Variants in NTPCR observed in about 807,000 individuals in gnomAD.
NTPCR encodes nucleoside-triphosphatase, cancer-related.
Under a neutral mutation model 19.5 loss-of-function variants are expected in NTPCR, and 15 were observed. The observed-to-expected ratio is 0.77, with a 90% CI of 0.51 to 1.18. The LOEUF (loss-of-function observed/expected upper bound fraction) is 1.18, where lower values mean the gene tolerates loss of function less well. Among genes scored for constraint, NTPCR ranks in the 50% most tolerant of loss-of-function variants. The pLI, the probability that NTPCR is intolerant of heterozygous loss-of-function variation, is 0.00. For synonymous variants in NTPCR, 90 were observed against 95.8 expected (o/e 0.94, Z 0.36); for missense variants, 206 against 240.4 (o/e 0.86, Z 0.95).
At chr1:232,954,729 G>T (rs983277388) in intron 1 of NTPCR, among the ~76,000 whole-genome samples, 1 of 152,212 alleles carries the variant, frequency 6.6e-6, no homozygotes, top group Non-Finnish European at 1.5e-5. Context: ...AAGTGTGCTA[G>T]AACAGTGTCT....
intron 1 of NTPCR, among the ~76,000 whole-genome samples, chr1:232,952,515 T>C (rs1405918651): frequency 1.3e-5 from 2 of 151,874 alleles, no homozygotes; most frequent in Non-Finnish European, 2.9e-5. Flanking sequence ...ATCTTTTTTT[T>C]CCCTCTTCTT....
intron 1 of NTPCR, among the ~76,000 whole-genome samples, chr1:232,954,845 A>G (rs1668469960): frequency 6.6e-6 from 1 of 152,186 alleles, no homozygotes; most frequent in Non-Finnish European, 1.5e-5. Context: ...CTGGATGGAC[A>G]GGAAGGATCA....
Position 232,983,600 on chromosome 1 carries a change from G to A in NTPCR, c.*5369G>A, listed in dbSNP as rs1669341615. 1 of 152,196 alleles carries A rather than the reference G, an allele frequency of 6.6e-6. No individual in the cohort carries two copies. Among genetic ancestry groups the A allele is most frequent in the African/African-American group, 2.4e-5 (1 of 41,436 alleles). 9.4% of individuals were successfully genotyped at this position (152,196 alleles called of 1,614,324 possible). On this transcript the variant is annotated 3_prime_UTR_variant, in exon 5 of 5. Transcript: ENST00000366628. ...GTGAGGAGCATTGTGTGACTCCGCG[G>A]TGGATTTCCATGCACCGAATGGACT...
intron 3 of NTPCR, chr1:232,962,255 A>C (rs1558129020): frequency 6.6e-6 from 1 of 152,194 alleles, no homozygotes; most frequent in African/African-American, 2.4e-5. Context: ...ATTAAAAAAA[A>C]TGTCTTATAT....
At chr1:232,971,694 T>C (rs2102755980) in intron 4 of NTPCR, among the ~76,000 whole-genome samples, 1 of 152,152 alleles carries the variant, frequency 6.6e-6, no homozygotes, top group South Asian at 2.1e-4. Flanking sequence ...TGTGAACAGA[T>C]AAGTTAAGCA....
chr1:232,971,782 A>G (rs1011347436), intron 4 of NTPCR, among the ~76,000 whole-genome samples: 1 of 152,220 alleles, frequency 6.6e-6, no homozygotes, highest in Non-Finnish European at 1.5e-5. Context: ...AAGGGCGATC[A>G]GGGAAGGTCT....
chr1:232,959,430 G>A (rs1668607061), intron 3 of NTPCR, among the ~76,000 whole-genome samples: 1 of 152,158 alleles, frequency 6.6e-6, no homozygotes, highest in Non-Finnish European at 1.5e-5. Context: ...ATAGCAGTGT[G>A]AAAATGGACT....
Position 232,978,990 on chromosome 1 carries a change from A to T in NTPCR, c.*759A>T, listed in dbSNP as rs1348711608. ...TCCAGAAAAGCAGGAAGTGGCTGTC[A>T]TCTCAGGAGTGATGTCACACCACAG... is the stretch of plus-strand genomic sequence containing the variant. On this transcript the variant is annotated 3_prime_UTR_variant, in exon 5 of 5. Coordinates refer to ENST00000366628, the MANE Select transcript of NTPCR (RefSeq NM_032324.3). The T allele has an allele frequency of 1.3e-5, 2 of 152,322 alleles. No individual in the cohort carries two copies. The highest frequency in any genetic ancestry group is 6.8e-3 in the Middle Eastern group (2 of 294). The allele number at this position is 152,322 out of a possible 1,614,324, so 9.4% of individuals were successfully genotyped here.
chr1:232,978,098 AC>A, intron 4 of NTPCR, 64 bp from the exon 5 acceptor site: 2 of 1,391,132 alleles, frequency 1.4e-6, no homozygotes, highest in East Asian at 4.6e-5. Flanking sequence ...TTAGAGAGTT[AC>A]CTAGCACAAG....
chr1:232,960,153 G>A (rs1323099991), intron 3 of NTPCR, among the ~76,000 whole-genome samples: 2 of 144,462 alleles, frequency 1.4e-5, no homozygotes, highest in Non-Finnish European at 3.0e-5. Context: ...AGCAGAGGTG[G>A]CAGTGAGCTA....
At chr1:232,968,762 T>G (rs1345291748) in intron 3 of NTPCR, 1 of 152,240 alleles carries the variant, frequency 6.6e-6, no homozygotes, top group Non-Finnish European at 1.5e-5. Context: ...AGAACTGTAG[T>G]GAAGAATACT....
intron 4 of NTPCR, chr1:232,976,604 A>G (rs1669130860): frequency 7.0e-7 from 1 of 1,430,570 alleles, no homozygotes; most frequent in African/African-American, 1.4e-5. Context: ...GAGCTGTCCC[A>G]TGAAGCCAAA....
At chr1:232,967,347 A>G (rs1668849969) in intron 3 of NTPCR, 1 of 152,142 alleles carries the variant, frequency 6.6e-6, no homozygotes, top group Non-Finnish European at 1.5e-5. Context: ...AATATGAATA[A>G]CTTGCATTTT....
At chr1:232,957,772 A>G (rs1668553501) in intron 3 of NTPCR, among the ~76,000 whole-genome samples, 1 of 152,230 alleles carries the variant, frequency 6.6e-6, no homozygotes, top group Non-Finnish European at 1.5e-5. Flanking sequence ...AAGTAAATTT[A>G]TACTTGTCAT....
Position 232,977,697 on chromosome 1 carries a change from C to T in NTPCR, c.505-466C>T, listed in dbSNP as rs185461364. Among the ~76,000 whole-genome samples, 245 of 152,226 alleles carry T rather than the reference C, an allele frequency of 1.6e-3. 2 individuals are homozygous for T. The highest frequency in any genetic ancestry group is 5.5e-3 in the African/African-American group (230 of 41,540). ...TGAGCACTTGATGTTTGTGGAGAGG[C>T]GGGTAGATGACTGAGCATCCCAGAA... On this transcript the variant is annotated intron_variant, in intron 4 of 4. Coordinates refer to ENST00000366628, the MANE Select transcript of NTPCR (RefSeq NM_032324.3).
In NTPCR at chr1:232,978,490, A is replaced by C. The variant is rs1669208873; in HGVS notation, c.*259A>C. ...TGTTTATTTCCTCTTGCAGTCATGC[A>C]CATGATTTGGGTAAACTGTGAGATG... On this transcript the variant is annotated 3_prime_UTR_variant, in exon 5 of 5. Coordinates refer to ENST00000366628, the MANE Select transcript of NTPCR (RefSeq NM_032324.3). 5.6e-6 allele frequency: 2 copies of C among 355,716 alleles called. No individual in the cohort carries two copies. The highest frequency in any genetic ancestry group is 1.0e-5 in the Non-Finnish European group (2 of 193,588). The allele number at this position is 355,716 out of a possible 1,614,324, so 22.0% of individuals were successfully genotyped here. A position where few individuals can be genotyped will look rare whatever the true frequency, so the allele number is the denominator to read the frequency against.
In NTPCR at chr1:232,981,316, G is replaced by C. The variant is rs1669274001; in HGVS notation, c.*3085G>C. 2 of 152,180 alleles carry C rather than the reference G, an allele frequency of 1.3e-5. No homozygotes were observed. The highest frequency in any genetic ancestry group is 4.1e-4 in the South Asian group (2 of 4,826). 9.4% of individuals were successfully genotyped at this position (152,180 alleles called of 1,614,324 possible). On this transcript the variant is annotated 3_prime_UTR_variant, in exon 5 of 5. Transcript: ENST00000366628. ...AGTTCCCAGCCCTCCAGTTATCAAG[G>C]GGGTGGGAACGCTGGTGGGCTGGAA...
At chr1:232,955,449 T>C (rs1668482323) in intron 1 of NTPCR, 108 bp from the exon 2 acceptor site, 8 of 832,826 alleles carry the variant, frequency 9.6e-6, no homozygotes, top group Non-Finnish European at 1.2e-5. Context: ...CCCATTTCTC[T>C]ACCCACCATA....
rs766349147 is a variant in NTPCR at position 232,978,255 on chromosome 1, G to A, written c.*24G>A. On this transcript the variant is annotated 3_prime_UTR_variant, in exon 5 of 5. Coordinates refer to ENST00000366628, the MANE Select transcript of NTPCR (RefSeq NM_032324.3). Reference sequence around the variant, plus strand: ...GAAGACACGTGCATTCCTGCCTTCCGTGAAGGAGTGCCCAGTTCAAGAGGA... The same window carrying A: ...GAAGACACGTGCATTCCTGCCTTCCATGAAGGAGTGCCCAGTTCAAGAGGA... 1.1e-5 allele frequency: 17 copies of A among 1,604,344 alleles called. No homozygotes were observed. The East Asian group carries it at 2.0e-4, about 19-fold the overall frequency.
Sources: gnomAD v4.1 joint callset for allele counts (sites outside exome capture counted in the v4.1 genomes callset) on GRCh38, gnomAD v4.1.1 for gene constraint, MANE v1.5 for transcripts, NCBI Gene and HGNC (gene_info 2026-07-23, HGNC 2026-07-21) for gene names.